The following BRD10 variants were observed in gnomAD, a reference collection of about 807,000 sequenced individuals.
The protein encoded by BRD10 is uncharacterized bromodomain-containing protein 10.
the BRD10 span, chr9:5,897,605 C>T: frequency 2.5e-6 from 4 of 1,614,156 alleles, no homozygotes; most frequent in Admixed American, 3.3e-5. Context: ...TCTTACTGCT[C>T]ATCGGCTGTT....
chr9:5,919,593 T>C, the BRD10 span: 3 of 619,486 alleles, frequency 4.8e-6, no homozygotes, highest in East Asian at 4.5e-5. Flanking sequence ...CAATGTATAG[T>C]ATGCTTTCAA....
chr9:5,971,050 C>T, the BRD10 span, among the ~76,000 whole-genome samples: 1 of 45,768 alleles, frequency 2.2e-5, no homozygotes, highest in Admixed American at 3.5e-4. Context: ...TAAGCAACGT[C>T]TCAAAAAAAA....
the BRD10 span, among the ~76,000 whole-genome samples, chr9:5,930,585 T>G: frequency 1.2e-3 from 189 of 152,174 alleles, 1 homozygote; most frequent in East Asian, 9.6e-3. Context: ...AGATATGAGA[T>G]TATATATGTG....
chr9:5,994,835 T>C, the BRD10 span, among the ~76,000 whole-genome samples: 1 of 152,278 alleles, frequency 6.6e-6, no homozygotes, highest in South Asian at 2.1e-4. Context: ...CTAATATGAC[T>C]TCTTTGAAGG....
At chr9:5,963,858 G>A in the BRD10 span, among the ~76,000 whole-genome samples, 50 of 151,780 alleles carry the variant, frequency 3.3e-4, no homozygotes, top group African/African-American at 1.0e-3. Flanking sequence ...CCATATGTAG[G>A]AAGCTGAAAC....
the BRD10 span, chr9:5,929,256 T>G: frequency 1.6e-6 from 1 of 620,654 alleles, no homozygotes; most frequent in East Asian, 3.0e-5. Flanking sequence ...CAATACTCCA[T>G]AAAAACGTAT....
the BRD10 span, chr9:5,908,623 C>G: frequency 6.2e-7 from 1 of 1,611,598 alleles, no homozygotes; most frequent in Non-Finnish European, 8.5e-7. Context: ...CATATTCTCC[C>G]TTTCTTGTTC....
the BRD10 span, among the ~76,000 whole-genome samples, chr9:5,995,792 A>G: frequency 6.6e-6 from 1 of 152,176 alleles, no homozygotes; most frequent in South Asian, 2.1e-4. Flanking sequence ...AAAAATATTC[A>G]TTCATATTAT....
chr9:5,914,636 G>T, the BRD10 span, among the ~76,000 whole-genome samples: 3 of 151,916 alleles, frequency 2.0e-5, no homozygotes, highest in East Asian at 5.8e-4. Flanking sequence ...CATTAGCCAG[G>T]ATGGTCTCGA....
At chr9:5,939,103 AATTT>A in the BRD10 span, among the ~76,000 whole-genome samples, 1 of 151,942 alleles carries the variant, frequency 6.6e-6, no homozygotes, top group Non-Finnish European at 1.5e-5. Context: ...AATAGAATAA[AATTT>A]ATTTTTTACA....
At chr9:5,947,514 TTC>T in the BRD10 span, among the ~76,000 whole-genome samples, 177 of 152,242 alleles carry the variant, frequency 1.2e-3, 1 homozygote, top group Middle Eastern at 3.4e-3. Flanking sequence ...ATAATATTTA[TTC>T]TGAGGTTATA....
At chr9:5,969,621 G>A in the BRD10 span, among the ~76,000 whole-genome samples, 3 of 152,220 alleles carry the variant, frequency 2.0e-5, no homozygotes, top group East Asian at 5.8e-4. Context: ...TCAGCTCACT[G>A]CAACCTCTGC....
At chr9:5,965,087 C>A in the BRD10 span, among the ~76,000 whole-genome samples, 6 of 144,396 alleles carry the variant, frequency 4.2e-5, no homozygotes, top group African/African-American at 1.5e-4. Flanking sequence ...AAAAAAATCA[C>A]CTGCCAACAC....
At chr9:5,885,678 G>A in the BRD10 span, among the ~76,000 whole-genome samples, 1 of 152,030 alleles carries the variant, frequency 6.6e-6, no homozygotes, top group Non-Finnish European at 1.5e-5. Context: ...CGGCCCATAT[G>A]TTATCTCATT....
chr9:5,910,265 C>T, the BRD10 span: 1 of 152,280 alleles, frequency 6.6e-6, no homozygotes, highest in East Asian at 1.9e-4. Context: ...ATCAGAAACA[C>T]TAGTGTAACA....
chr9:5,930,082 T>C, the BRD10 span, among the ~76,000 whole-genome samples: 144,556 of 150,982 alleles, frequency 0.96, 69,500 homozygotes, highest in Non-Finnish European at 0.99. Context: ...CAGTATATAC[T>C]TATTATTACC....
chr9:5,927,519 A>G, the BRD10 span, among the ~76,000 whole-genome samples: 6 of 152,004 alleles, frequency 3.9e-5, no homozygotes, highest in Admixed American at 3.9e-4. Flanking sequence ...ATGAAAGAGG[A>G]CTCTTCCATT....
chr9:5,964,569 T>G, the BRD10 span, among the ~76,000 whole-genome samples: 460 of 124,960 alleles, frequency 3.7e-3, 1 homozygote, highest in African/African-American at 0.012. Flanking sequence ...TATACCCAAA[T>G]GACTATAAAT....
the BRD10 span, among the ~76,000 whole-genome samples, chr9:5,879,596 G>A: frequency 1.3e-5 from 2 of 152,130 alleles, no homozygotes; most frequent in Non-Finnish European, 2.9e-5. Context: ...CACTGGTCTG[G>A]TGGCCACCGC....
Sources: allele counts gnomAD v4.1 joint callset (sites outside exome capture counted in the v4.1 genomes callset), GRCh38; gene constraint gnomAD v4.1.1; transcripts MANE v1.5; gene names NCBI Gene and HGNC (gene_info 2026-07-23, HGNC 2026-07-21).